PPP2R5C: variants seen among roughly 807,000 people sequenced by gnomAD.
The protein encoded by PPP2R5C is protein phosphatase 2 regulatory subunit B'gamma, also known as serine/threonine-protein phosphatase 2A 56 kDa regulatory subunit gamma isoform.
PPP2R5C carries 7 observed loss-of-function variants against 68.9 expected under a neutral mutation model. The observed-to-expected ratio is 0.10, with a 90% CI of 0.06 to 0.19. PPP2R5C has a LOEUF of 0.19. Ranked by LOEUF, PPP2R5C falls within the 10% of genes least tolerant of loss-of-function variation. The pLI is 1.00. For synonymous variants in PPP2R5C, 210 were observed against 222.2 expected (o/e 0.95, Z 0.49); for missense variants, 348 against 641.3 (o/e 0.54, Z 4.94).
chr14:101,811,274 G>C (rs2039343655), intron 1 of PPP2R5C, among the ~76,000 whole-genome samples: 1 of 152,204 alleles, frequency 6.6e-6, no homozygotes, highest in African/African-American at 2.4e-5. Flanking sequence ...TAACATTCAG[G>C]TATTTTAGCT....
At chr14:101,922,783 A>G (rs145772495) in intron 13 of PPP2R5C, among the ~76,000 whole-genome samples, 3,308 of 152,256 alleles carry the variant, frequency 0.022, 88 homozygotes, top group Middle Eastern at 0.068. Flanking sequence ...ATGCCACTGC[A>G]TTCCAGCCTG....
Position 101,882,583 on chromosome 14 carries a change from C to A in PPP2R5C, c.405+312C>A. ...AGCCAACAATCTCCCAGTTTTTGCT[C>A]CTCATATTTAATAGGTGCCTGCTGG... is the stretch of plus-strand genomic sequence containing the variant. On this transcript the variant is annotated intron_variant, in intron 3 of 13. Transcript: ENST00000334743. This position sits in a 1 kb window ranked among gnomAD's most constrained non-coding sequence, Gnocchi z 4.9. 4.3e-6 allele frequency: 1 copy of A among 230,182 alleles called. No homozygotes were observed. Among genetic ancestry groups the A allele is most frequent in the Non-Finnish European group, 8.4e-6 (1 of 118,672 alleles). The allele number at this position is 230,182 out of a possible 1,614,324, so 14.3% of individuals were successfully genotyped here. A position where few individuals can be genotyped will look rare whatever the true frequency, so the allele number is the denominator to read the frequency against.
chr14:101,904,550 T>A lies in PPP2R5C; in HGVS notation c.1024-1852T>A, dbSNP rs982548451. Among the ~76,000 whole-genome samples, 3 of 152,188 alleles carry A rather than the reference T, an allele frequency of 2.0e-5. No homozygotes were observed. In the South Asian group the frequency reaches 6.2e-4, roughly 31 times the overall value. On this transcript the variant is annotated intron_variant, in intron 9 of 13. Coordinates refer to ENST00000334743, the Ensembl canonical transcript of PPP2R5C. ...GCCTTGTTTTGAATCCACGCCGCAC[T>A]CTCATGCATGCCCTCCCCTCCCCCA...
intron 13 of PPP2R5C, among the ~76,000 whole-genome samples, chr14:101,924,155 TCTA>T (rs2047159216): frequency 6.6e-6 from 1 of 152,228 alleles, no homozygotes; most frequent in African/African-American, 2.4e-5. Flanking sequence ...ACACAGTGTC[TCTA>T]CTTTTAAACT....
chr14:101,918,146 A>G (rs188316769), intron 13 of PPP2R5C, among the ~76,000 whole-genome samples, 199 bp downstream of exon 15: 113 of 152,214 alleles, frequency 7.4e-4, no homozygotes, highest in East Asian at 5.8e-4. Context: ...AGGATTAAGT[A>G]TGTGCCTGAG....
chr14:101,824,209 T>C, intron 1 of PPP2R5C: 1 of 1,210,674 alleles, frequency 8.3e-7, no homozygotes, highest in Non-Finnish European at 1.1e-6. Context: ...TCTTAATGAG[T>C]AATTCTTAGG....
intron 2 of PPP2R5C, among the ~76,000 whole-genome samples, chr14:101,868,258 A>G (rs2043198569): frequency 6.6e-6 from 1 of 152,122 alleles, no homozygotes; most frequent in Non-Finnish European, 1.5e-5. Context: ...CCAGAGAATG[A>G]TTTTTCTACT....
At chr14:101,836,164 T>G (rs1437687510) in intron 1 of PPP2R5C, 3 of 690,016 alleles carry the variant, frequency 4.3e-6, no homozygotes, top group East Asian at 5.4e-5. Context: ...TTTTTTTTTT[T>G]GCAGTTGAGG....
intron 2 of PPP2R5C, among the ~76,000 whole-genome samples, chr14:101,872,491 G>A (rs2043490260): frequency 6.6e-6 from 1 of 151,990 alleles, no homozygotes; most frequent in African/African-American, 2.4e-5. Context: ...TTTCATCTTG[G>A]CCTCCCAAAG....
chr14:101,809,991 A>G, exon 1 of PPP2R5C: 1 of 1,614,066 alleles, frequency 6.2e-7, no homozygotes, highest in Non-Finnish European at 8.5e-7. Context: ...GGATGCGGCC[A>G]ACTCCAATGG....
At chr14:101,862,729 G>A (rs1424511486) in intron 2 of PPP2R5C, among the ~76,000 whole-genome samples, 1 of 151,438 alleles carries the variant, frequency 6.6e-6, no homozygotes, top group Non-Finnish European at 1.5e-5. Context: ...TTACAGAAAT[G>A]TAAAACAGTG....
intron 13 of PPP2R5C, among the ~76,000 whole-genome samples, chr14:101,920,869 G>T (rs912886466): frequency 6.6e-6 from 1 of 151,132 alleles, no homozygotes; most frequent in Non-Finnish European, 1.5e-5. Context: ...GGGCTCAGGC[G>T]ATCCTTCTAC....
rs1436096437 is a variant in PPP2R5C at position 101,916,062 on chromosome 14, G to A, written c.1327-1769G>A. ...CCGGTGCGATCTGCTGAGAGGTGAG[G>A]GTGGAGAGGGAGCAGAATTCCCCCA... On this transcript the variant is annotated intron_variant, in intron 12 of 13. Transcript: ENST00000334743. This position sits in a 1 kb window ranked among gnomAD's most constrained non-coding sequence, Gnocchi z 5.5. Among the ~76,000 whole-genome samples, 1 of 152,164 alleles carries A rather than the reference G, an allele frequency of 6.6e-6. No individual in the cohort carries two copies. The highest frequency in any genetic ancestry group is 1.5e-5 in the Non-Finnish European group (1 of 68,030).
chr14:101,810,593 T>A (rs926025488), intron 1 of PPP2R5C, among the ~76,000 whole-genome samples: 2 of 152,220 alleles, frequency 1.3e-5, no homozygotes, highest in African/African-American at 4.8e-5. Context: ...TTTGAAATAT[T>A]GAAATCTATC....
upstream of PPP2R5C, among the ~76,000 whole-genome samples, chr14:101,809,062 CAAAAT>C (rs1176978078): frequency 2.6e-5 from 4 of 152,026 alleles, no homozygotes; most frequent in South Asian, 6.2e-4. Flanking sequence ...TAAATTTAAA[CAAAAT>C]ATCTAAAACT....
chr14:101,917,694 G>A lies in PPP2R5C; in HGVS notation c.1327-137G>A, dbSNP rs531299219. ...GCCGCATCATGTTGCAGGTGTAGGC[G>A]AGTCTCCCACTGAGTGGGCTTCCTG... On this transcript the variant is annotated intron_variant, in intron 12 of 13. Transcript: ENST00000334743. The surrounding 1 kb of genome is among the most constrained non-coding windows in gnomAD (Gnocchi z 4.4). 2.5e-5 allele frequency: 29 copies of A among 1,140,594 alleles called. No homozygotes were observed. In the African/African-American group the frequency reaches 3.1e-4, roughly 12 times the overall value. 70.7% of individuals were successfully genotyped at this position (1,140,594 alleles called of 1,614,324 possible). A position where few individuals can be genotyped will look rare whatever the true frequency, so the allele number is the denominator to read the frequency against.
intron 12 of PPP2R5C, chr14:101,914,244 A>G (rs2046539343): frequency 2.2e-6 from 1 of 454,370 alleles, no homozygotes; most frequent in South Asian, 1.6e-5. Flanking sequence ...CCTTGTCCTC[A>G]TGTCTGTGTT....
chr14:101,808,698 G>C (rs1012394904), upstream of PPP2R5C, among the ~76,000 whole-genome samples: 2 of 152,194 alleles, frequency 1.3e-5, no homozygotes, highest in Admixed American at 1.3e-4. Flanking sequence ...TCCTTCACAA[G>C]TGGGGGGAAG....
At chr14:101,768,436 G>A (rs1379114872) in intron 2 of PPP2R5C, among the ~76,000 whole-genome samples, 2 of 152,086 alleles carry the variant, frequency 1.3e-5, no homozygotes, top group Admixed American at 6.5e-5. Flanking sequence ...AATTAAAGCT[G>A]AACGTTTTTA....
Sources: allele counts gnomAD v4.1 joint callset (sites outside exome capture counted in the v4.1 genomes callset), GRCh38; gene constraint gnomAD v4.1.1; non-coding constraint Gnocchi (gnomAD v3.1); transcripts MANE v1.5; gene names NCBI Gene and HGNC (gene_info 2026-07-23, HGNC 2026-07-21).